PCDH15: variants seen among roughly 807,000 people sequenced by gnomAD.
PCDH15 encodes the protein protocadherin-15.
A neutral mutation model predicts 178.5 loss-of-function variants in PCDH15; 129 were observed. The ratio of observed to expected loss-of-function variants is 0.72; its 90% CI spans 0.63 to 0.84. PCDH15 has a LOEUF of 0.84. Among genes scored for constraint, PCDH15 ranks in the 40% least tolerant of loss-of-function variants. The pLI is 0.00. For synonymous variants in PCDH15, 800 were observed against 732.0 expected (o/e 1.09, Z -1.50); for missense variants, 2,230 against 2,099.9 (o/e 1.06, Z -1.21).
intron 2 of PCDH15, among the ~76,000 whole-genome samples, chr10:54,990,282 C>T (rs1365711161): frequency 6.6e-6 from 1 of 152,146 alleles, no homozygotes. Context: ...CCCATGATTA[C>T]TTCAGTAGAA....
intron 2 of PCDH15, among the ~76,000 whole-genome samples, chr10:55,475,122 G>A (rs925919706): frequency 3.3e-5 from 5 of 152,062 alleles, no homozygotes; most frequent in Non-Finnish European, 5.9e-5. Flanking sequence ...GAGAAAGAGG[G>A]GAGGGAGGTA....
intron 2 of PCDH15, among the ~76,000 whole-genome samples, chr10:55,041,998 T>C (rs1840874281): frequency 6.6e-6 from 1 of 152,110 alleles, no homozygotes; most frequent in South Asian, 2.1e-4. Context: ...TGTATTACTA[T>C]TCATGATTTC....
intron 3 of PCDH15, among the ~76,000 whole-genome samples, chr10:54,484,612 T>C (rs2136987363): frequency 6.6e-6 from 1 of 151,894 alleles, no homozygotes; most frequent in East Asian, 1.9e-4. Flanking sequence ...CATTAATGAA[T>C]TGAGATAAGA....
Position 55,091,517 on chromosome 10 carries a change from C to T in PCDH15, c.-80+75059G>A, listed in dbSNP as rs1308190990. On this transcript the variant is annotated intron_variant, in intron 2 of 5. Transcript: ENST00000458638. ...TAAGTAGATTAAGCACTCAGTGATG[C>T]ATAACTTTCAAGAGTTAAATTACCA... Among the ~76,000 whole-genome samples the T allele has an allele frequency of 3.3e-5, 5 of 151,940 alleles. No homozygotes were observed. The East Asian group carries it at 9.7e-4, about 29-fold the overall frequency.
At chr10:54,277,607 T>C (rs913780427) in intron 8 of PCDH15, among the ~76,000 whole-genome samples, 1 of 151,698 alleles carries the variant, frequency 6.6e-6, no homozygotes, top group African/African-American at 2.4e-5. Context: ...CAGTGTTGTT[T>C]ACCCGAAATT....
rs547742769 is a variant in PCDH15 at position 54,035,899 on chromosome 10, T to C, written c.2221-12702A>G. The stretch of plus-strand genomic sequence containing the variant: ...TCTACTCCAGTGCAAACACAAATCA[T>C]AGGAAAGTAAAACAACCTGATGTGA... On this transcript the variant is annotated intron_variant, in intron 18 of 37. Transcript: ENST00000644397. Among the ~76,000 whole-genome samples, 10 of 151,944 alleles carry C rather than the reference T, an allele frequency of 6.6e-5. 1 individual carries two copies. Among genetic ancestry groups the C allele is most frequent in the South Asian group, 2.1e-4 (1 of 4,830 alleles).
intron 2 of PCDH15, among the ~76,000 whole-genome samples, chr10:55,355,929 T>C (rs1845065786): frequency 1.3e-5 from 2 of 151,924 alleles, no homozygotes; most frequent in Non-Finnish European, 2.9e-5. Flanking sequence ...CAGCAAATAA[T>C]ATGCCAAGAC....
intron 3 of PCDH15, among the ~76,000 whole-genome samples, chr10:54,455,175 C>A (rs145712711): frequency 4.8e-4 from 73 of 152,200 alleles, no homozygotes; most frequent in African/African-American, 1.7e-3. Context: ...AATTATACCT[C>A]TTTTCTTTAT....
rs559517881 is a variant in PCDH15, at chr10:54,895,432, T to G, written c.-29+2018A>C. 1.8e-4 allele frequency among the ~76,000 whole-genome samples: 28 copies of G among 152,306 alleles called. 1 individual carries two copies. In the South Asian group the frequency reaches 5.2e-3, roughly 28 times the overall value. ...CTTCATTGTACTATACTCAGACAAA[T>G]ACCTCAAAGACAAGAGATAAGTTTA... On this transcript the variant is annotated intron_variant, in intron 3 of 5. Transcript: ENST00000458638.
At chr10:55,316,025 C>T (rs1244092373) in intron 1 of PCDH15, among the ~76,000 whole-genome samples, 3 of 152,048 alleles carry the variant, frequency 2.0e-5, no homozygotes, top group African/African-American at 7.2e-5. Flanking sequence ...AAAAACAAAA[C>T]AAAACAAAAT....
At chr10:55,433,183 A>C (rs1244361499) in intron 2 of PCDH15, among the ~76,000 whole-genome samples, 2 of 152,230 alleles carry the variant, frequency 1.3e-5, no homozygotes, top group Non-Finnish European at 2.9e-5. Flanking sequence ...CAATAGCAAA[A>C]TCAAGGAATC....
In PCDH15 at chr10:54,621,537, A is replaced by C. The variant is rs992971204; in HGVS notation, c.91+42635T>G. Among the ~76,000 whole-genome samples, 3 of 152,046 alleles carry C rather than the reference A, an allele frequency of 2.0e-5. No individual in the cohort carries two copies. In the South Asian group the frequency reaches 6.2e-4, roughly 31 times the overall value. On this transcript the variant is annotated intron_variant, in intron 2 of 37. Transcript: ENST00000644397. ...AGCAGATAACTCAATTTTTCATACA[A>C]TATAAAATGTCCAAAATCCGTGTAA...
chr10:55,176,130 A>G (rs1839477946), intron 1 of PCDH15, among the ~76,000 whole-genome samples: 1 of 152,076 alleles, frequency 6.6e-6, no homozygotes, highest in South Asian at 2.1e-4. Context: ...AGGGAGGAAG[A>G]TAACTTCCTC....
intron 2 of PCDH15, among the ~76,000 whole-genome samples, chr10:55,573,820 T>C (rs1842449791): frequency 6.6e-6 from 1 of 151,994 alleles, no homozygotes; most frequent in Non-Finnish European, 1.5e-5. Context: ...GTATGGTCTA[T>C]GATGTTTCCA....
chr10:54,192,154 A>AAGAAAGAAAGAAAAAGAAAG (rs1554832302), intron 11 of PCDH15, among the ~76,000 whole-genome samples: 24 of 132,664 alleles, frequency 1.8e-4, no homozygotes, highest in Admixed American at 6.2e-4. Flanking sequence ...GAAAGAAAGA[A>AAGAAAGAAAGAAAAAGAAAG]AAAGAAAGAA....
chr10:54,334,767 C>T (rs1337739796), intron 6 of PCDH15, among the ~76,000 whole-genome samples: 1 of 151,948 alleles, frequency 6.6e-6, no homozygotes, highest in Non-Finnish European at 1.5e-5. Context: ...ACAAAAGTGC[C>T]TCAATGGGCC....
chr10:54,607,421 A>G (rs977763039), intron 2 of PCDH15, among the ~76,000 whole-genome samples: 3 of 152,080 alleles, frequency 2.0e-5, no homozygotes, highest in Non-Finnish European at 4.4e-5. Context: ...ATGTGGCATT[A>G]TTAAATATGG....
chr10:55,133,369 A>G (rs898736199), intron 2 of PCDH15, among the ~76,000 whole-genome samples: 13 of 152,070 alleles, frequency 8.5e-5, no homozygotes, highest in African/African-American at 2.4e-4. Context: ...CTAAGACACC[A>G]TACTCTAAAC....
intron 1 of PCDH15, among the ~76,000 whole-genome samples, chr10:54,781,549 A>G (rs1224407787): frequency 2.6e-5 from 4 of 152,174 alleles, no homozygotes; most frequent in African/African-American, 7.2e-5. Context: ...ACAACTGATG[A>G]AAAGCTAGTA....
Sources: gnomAD v4.1 joint callset for allele counts (sites outside exome capture counted in the v4.1 genomes callset) on GRCh38, gnomAD v4.1.1 for gene constraint, MANE v1.5 for transcripts, NCBI Gene and HGNC (gene_info 2026-07-23, HGNC 2026-07-21) for gene names.